The following KIF6 variants were observed in gnomAD, a reference collection of about 807,000 sequenced individuals.
KIF6 encodes the protein kinesin-like protein KIF6.
In KIF6, 106 loss-of-function variants were observed where a neutral mutation model predicts 112.7. The ratio of observed to expected loss-of-function variants is 0.94; its 90% CI spans 0.80 to 1.11. The LOEUF (loss-of-function observed/expected upper bound fraction) is 1.11. Among genes scored for constraint, KIF6 ranks in the 50% least tolerant of loss-of-function variants. The probability of loss-of-function intolerance (pLI) is 0.00; values close to 1 mark genes in which losing one functional copy is unlikely to be tolerated. For missense variants in KIF6, 929 were observed against 964.0 expected (o/e 0.96, Z 0.48); for synonymous variants, 339 against 339.9 (o/e 1.00, Z 0.03).
chr6:39,493,200 T>G (rs1320301877), intron 13 of KIF6, among the ~76,000 whole-genome samples: 1 of 152,230 alleles, frequency 6.6e-6, no homozygotes. Context: ...AAACTATTCA[T>G]GCATGATAAA....
rs961118099 is a variant in KIF6, at chr6:39,483,554, C to T, written c.1646-52393G>A. Among the ~76,000 whole-genome samples, 38 of 152,192 alleles carry T rather than the reference C, an allele frequency of 2.5e-4. 1 individual carries two copies. The highest frequency in any genetic ancestry group is 2.4e-3 in the Admixed American group (36 of 15,274). ...CTGTTAGCATTTTAAAAGGCTGTCCCTCGCTCATGAAAACAACTTGAAATC... is the reference window on the plus strand; with the variant it reads ...CTGTTAGCATTTTAAAAGGCTGTCCTTCGCTCATGAAAACAACTTGAAATC... On this transcript the variant is annotated intron_variant, in intron 13 of 22. Transcript: ENST00000287152.
In KIF6 at chr6:39,584,942, T is replaced by C; in HGVS notation, c.1033A>G (p.Ile345Val). ...TCATTAAGAACAGCTTCATTCTTTA[T>C]GAGTGCCACTCGCTGTGCAAATCTG... The part of the protein sequence containing the change: ...TCRFAQRVAL[I>V]KNEAVLNEEI... Residue 345 changes from isoleucine (I) to valine (V), a missense_variant, in exon 9 of 23, where the codon ATA (isoleucine) becomes GTA (valine). Ile to Val is a conservative substitution (Grantham distance 29). Around this residue, in one of 2 missense-constraint regions of KIF6, gnomAD observed 688 missense variants for 662.7 expected, o/e 1.04. Transcript: ENST00000287152. 1 of 1,612,740 alleles carries C rather than the reference T, an allele frequency of 6.2e-7. No homozygotes were observed. Among genetic ancestry groups the C allele is most frequent in the Non-Finnish European group, 8.5e-7 (1 of 1,178,960 alleles).
intron 7 of KIF6, among the ~76,000 whole-genome samples, chr6:39,589,812 C>T (rs531909203): frequency 6.6e-6 from 1 of 152,326 alleles, no homozygotes; most frequent in East Asian, 1.9e-4. Flanking sequence ...CTCCTGGTTG[C>T]TCTGTGTAGC....
chr6:39,603,891 T>C (rs554128518), intron 6 of KIF6, among the ~76,000 whole-genome samples: 5 of 152,310 alleles, frequency 3.3e-5, no homozygotes, highest in Admixed American at 2.0e-4. Context: ...AAAATCTTTT[T>C]TTCAATCACT....
chr6:39,507,819 C>T (rs753636417), intron 13 of KIF6, among the ~76,000 whole-genome samples: 86 of 151,496 alleles, frequency 5.7e-4, no homozygotes, highest in Non-Finnish European at 3.5e-4. Context: ...CCATCTCCTA[C>T]CACTTGACCA....
chr6:39,617,547 G>A (rs1783584200), intron 5 of KIF6, among the ~76,000 whole-genome samples: 1 of 152,152 alleles, frequency 6.6e-6, no homozygotes, highest in African/African-American at 2.4e-5. Context: ...TGATGGTATA[G>A]GTCATGCACT....
intron 6 of KIF6, among the ~76,000 whole-genome samples, chr6:39,607,947 A>C (rs566726724): frequency 6.6e-6 from 1 of 150,866 alleles, no homozygotes; most frequent in Non-Finnish European, 1.5e-5. Flanking sequence ...CACACATCCC[A>C]CAAGGAGATT....
At chr6:39,629,722 G>A (rs1055935865) in intron 5 of KIF6, among the ~76,000 whole-genome samples, 1 of 152,012 alleles carries the variant, frequency 6.6e-6, no homozygotes, top group Admixed American at 6.6e-5. Context: ...TTATTTCACT[G>A]GTCATGCTTT....
rs112556323 is a variant in KIF6 at position 39,599,026 on chromosome 6, A to G, written c.640-2766T>C. Reference sequence around the variant, plus strand: ...AGGGATGGAAATGAAAGGCCAAGAAAGGGACTTCAGCTTTATCTGCAATAT... The same window carrying G: ...AGGGATGGAAATGAAAGGCCAAGAAGGGGACTTCAGCTTTATCTGCAATAT... On this transcript the variant is annotated intron_variant, in intron 6 of 22. Transcript: ENST00000287152. 3.8e-3 allele frequency among the ~76,000 whole-genome samples: 578 copies of G among 152,332 alleles called. 5 individuals are homozygous for G. Among genetic ancestry groups the G allele is most frequent in the African/African-American group, 0.013 (549 of 41,586 alleles).
chr6:39,468,899 A>T (rs1275301776), intron 13 of KIF6, among the ~76,000 whole-genome samples: 2 of 152,140 alleles, frequency 1.3e-5, no homozygotes, highest in Non-Finnish European at 2.9e-5. Flanking sequence ...TATTGTGGAA[A>T]CTATAACATA....
At chr6:39,431,378 T>C (rs1771147198) in intron 13 of KIF6, 1 of 437,664 alleles carries the variant, frequency 2.3e-6, no homozygotes, top group East Asian at 3.6e-5. Context: ...GGACTGTGCC[T>C]GCACAGCCAT....
chr6:39,346,713 T>C (rs1302675267), intron 19 of KIF6, among the ~76,000 whole-genome samples, 187 bp from the exon 20 acceptor site: 1 of 152,142 alleles, frequency 6.6e-6, no homozygotes, highest in Non-Finnish European at 1.5e-5. Flanking sequence ...AGTGGCATGA[T>C]CTTGGCTCAC....
At chr6:39,411,859 C>T (rs896035966) in intron 15 of KIF6, among the ~76,000 whole-genome samples, 2 of 152,204 alleles carry the variant, frequency 1.3e-5, no homozygotes, top group Admixed American at 6.5e-5. Flanking sequence ...TAGCTTGTTT[C>T]CTGGGAGGAT....
chr6:39,584,459 A>AAAAAAAAAAAAAAAAAAAAAAAGAC (rs1561836472), intron 9 of KIF6, among the ~76,000 whole-genome samples: 3 of 128,588 alleles, frequency 2.3e-5, no homozygotes, highest in Admixed American at 8.1e-5. Context: ...AAAAAAAAAA[A>AAAAAAAAAAAAAAAAAAAAAAAGAC]AGACTATTAT....
intron 9 of KIF6, chr6:39,583,295 G>C: frequency 2.3e-6 from 1 of 432,750 alleles, no homozygotes. Flanking sequence ...GGAAGGGTAG[G>C]GACAGCAACA....
At chr6:39,524,959 T>A (rs1032524747) in intron 13 of KIF6, among the ~76,000 whole-genome samples, 1 of 152,210 alleles carries the variant, frequency 6.6e-6, no homozygotes, top group African/African-American at 2.4e-5. Context: ...ATGAAAATTA[T>A]CTGTGTTCTG....
chr6:39,667,866 C>T (rs1415374619), intron 3 of KIF6, among the ~76,000 whole-genome samples: 1 of 151,970 alleles, frequency 6.6e-6, no homozygotes, highest in Non-Finnish European at 1.5e-5. Flanking sequence ...AAATGTAATC[C>T]CCAGTAATGG....
rs1554195029 is a variant in KIF6 at position 39,337,155 on chromosome 6, T to TTTTCCTTCCTTCCTTCC, written c.2429-608_2429-607insGGAAGGAAGGAAGGAAA. ...TCCTTCCTTCCTTCCTTTCTCTTTCTTTTCTTTCTTTCCTTCCTTCTTTCT... is the reference window on the plus strand; with the variant it reads ...TCCTTCCTTCCTTCCTTTCTCTTTCTTTTCCTTCCTTCCTTCCTTTCTTTCTTTCCTTCCTTCTTTCT... On this transcript the variant is annotated intron_variant, in intron 22 of 22. Coordinates refer to ENST00000287152, the MANE Select transcript of KIF6 (RefSeq NM_145027.6). 6.3e-4 allele frequency among the ~76,000 whole-genome samples: 34 copies of TTTTCCTTCCTTCCTTCC among 53,698 alleles called. 2 individuals are homozygous for TTTTCCTTCCTTCCTTCC. Among genetic ancestry groups the TTTTCCTTCCTTCCTTCC allele is most frequent in the East Asian group, 4.7e-3 (10 of 2,110 alleles). The allele number at this position is 53,698 out of a possible 152,430, so 35.2% of individuals were successfully genotyped here.
chr6:39,721,137 T>C (rs1032220833), intron 1 of KIF6, among the ~76,000 whole-genome samples: 2 of 152,222 alleles, frequency 1.3e-5, no homozygotes, highest in African/African-American at 4.8e-5. Context: ...TTTATCTAAG[T>C]ATTGCTTTAG....
Sources: allele counts gnomAD v4.1 joint callset (sites outside exome capture counted in the v4.1 genomes callset), GRCh38; gene constraint gnomAD v4.1.1; regional missense constraint gnomAD v4.1.1; transcripts MANE v1.5; gene names NCBI Gene and HGNC (gene_info 2026-07-23, HGNC 2026-07-21).